The following RSU1 variants were observed in gnomAD, a reference collection of about 807,000 sequenced individuals.
RSU1 encodes the protein rsu-1.
A neutral mutation model predicts 31.1 loss-of-function variants in RSU1; 26 were observed. The ratio of observed to expected loss-of-function variants is 0.84; its 90% CI spans 0.61 to 1.16. The LOEUF (loss-of-function observed/expected upper bound fraction) is 1.16, where lower values mean the gene tolerates loss of function less well. Ranked by LOEUF, RSU1 falls within the 50% of genes most tolerant of loss-of-function variation. RSU1 has a pLI of 0.00. For missense variants in RSU1, 320 were observed against 339.1 expected (o/e 0.94, Z 0.44); for synonymous variants, 164 against 136.3 (o/e 1.20, Z -1.41).
chr10:16,636,827 A>G (rs971821393), intron 8 of RSU1, among the ~76,000 whole-genome samples: 2 of 152,098 alleles, frequency 1.3e-5, no homozygotes, highest in Admixed American at 1.3e-4. Flanking sequence ...TTGATCCGCT[A>G]TAACTGCGCA....
rs1491138176 is a variant in RSU1, at chr10:16,733,332, A to AT, written c.598+19206dup. 8.6e-3 allele frequency among the ~76,000 whole-genome samples: 807 copies of AT among 93,776 alleles called. 3 individuals carry two copies. Among genetic ancestry groups the AT allele is most frequent in the Non-Finnish European group, 0.014 (634 of 46,376 alleles). The allele number at this position is 93,776 out of a possible 152,430, so 61.5% of individuals were successfully genotyped here. A position where few individuals can be genotyped will look rare whatever the true frequency, so the allele number is the denominator to read the frequency against. On this transcript the variant is annotated intron_variant, in intron 7 of 8. Transcript: ENST00000345264. ...ATGGTGAAACCCCATCTCTACGACA[A>AT]TAAAAAAAAAAAAAAAAAAAAAAAA...
intron 4 of RSU1, among the ~76,000 whole-genome samples, chr10:16,756,234 A>T (rs1837083153): frequency 6.6e-6 from 1 of 152,174 alleles, no homozygotes; most frequent in Non-Finnish European, 1.5e-5. Context: ...TCAGGTTTGC[A>T]AGATGAGAAA....
intron 3 of RSU1, among the ~76,000 whole-genome samples, chr10:16,781,250 T>C (rs1462372074): frequency 6.6e-6 from 1 of 152,094 alleles, no homozygotes; most frequent in Non-Finnish European, 1.5e-5. Flanking sequence ...AAGCCACAGC[T>C]CTACGAAGAA....
At chr10:16,614,998 T>C (rs1833951621) in intron 8 of RSU1, among the ~76,000 whole-genome samples, 1 of 152,150 alleles carries the variant, frequency 6.6e-6, no homozygotes. Context: ...AATAACCAGC[T>C]AGCATCACGA....
At chr10:16,705,238 C>T (rs575000485) in intron 7 of RSU1, among the ~76,000 whole-genome samples, 47 of 152,234 alleles carry the variant, frequency 3.1e-4, no homozygotes, top group African/African-American at 1.1e-3. Context: ...ACTGTATATA[C>T]AGTCATCTCT....
At chr10:16,775,830 A>T (rs984256490) in intron 3 of RSU1, among the ~76,000 whole-genome samples, 4 of 152,214 alleles carry the variant, frequency 2.6e-5, no homozygotes, top group Non-Finnish European at 5.9e-5. Flanking sequence ...GATGGCAGAG[A>T]AGCAAACTGA....
chr10:16,684,707 T>A (rs544131282), intron 8 of RSU1, among the ~76,000 whole-genome samples: 1 of 152,264 alleles, frequency 6.6e-6, no homozygotes, highest in African/African-American at 2.4e-5. Flanking sequence ...TTTCTGCTTT[T>A]AAACCATGCC....
At chr10:16,704,175 T>C (rs1287889817) in intron 7 of RSU1, among the ~76,000 whole-genome samples, 1 of 152,238 alleles carries the variant, frequency 6.6e-6, no homozygotes, top group Non-Finnish European at 1.5e-5. Flanking sequence ...TCTGAATTTT[T>C]AGATACTATC....
chr10:16,774,240 A>G (rs1837483873), intron 3 of RSU1, among the ~76,000 whole-genome samples: 1 of 152,200 alleles, frequency 6.6e-6, no homozygotes, highest in Admixed American at 6.5e-5. Flanking sequence ...ATTTTTTAAA[A>G]AGTCATCAAG....
At chr10:16,660,637 T>C (rs2131526257) in intron 8 of RSU1, among the ~76,000 whole-genome samples, 1 of 131,726 alleles carries the variant, frequency 7.6e-6, no homozygotes, top group African/African-American at 2.9e-5. Flanking sequence ...CATTTATTCT[T>C]GAACTCTCTT....
chr10:16,605,791 C>A (rs1024601794), intron 8 of RSU1, among the ~76,000 whole-genome samples: 19 of 152,182 alleles, frequency 1.2e-4, no homozygotes, highest in Admixed American at 7.2e-4. Flanking sequence ...CCTCAGTTGG[C>A]TGCAGGGTTT....
intron 8 of RSU1, among the ~76,000 whole-genome samples, chr10:16,670,732 T>G (rs1366621985): frequency 6.6e-6 from 1 of 152,144 alleles, no homozygotes; most frequent in Non-Finnish European, 1.5e-5. Context: ...GGTGTTCCCT[T>G]GGTCAGTACT....
rs199904406 is a variant in RSU1, at chr10:16,695,155, C to G, written c.599G>C (p.Gly200Ala). 615 of 1,454,396 alleles carry G rather than the reference C, an allele frequency of 4.2e-4. 1 individual carries two copies. The highest frequency in any genetic ancestry group is 5.0e-4 in the Non-Finnish European group (552 of 1,096,510). The allele number at this position is 1,454,396 out of a possible 1,614,324, so 90.1% of individuals were successfully genotyped here. A position where few individuals can be genotyped will look rare whatever the true frequency, so the allele number is the denominator to read the frequency against. The change falls in exon 8 of 9, where the codon GGA becomes GCA. Residue 200 changes from glycine to alanine, a missense_variant and splice_region_variant. Coordinates refer to ENST00000345264, the MANE Select transcript of RSU1 (RefSeq NM_012425.4). ...CTTCTGGCCAGTTAAATCCAAGTTT[C>G]CTGGGGGGGGGGAAAAAAAAAGTGA... The part of the protein sequence containing the change: ...NRLTVLPPEL[G>A]NLDLTGQKQV...
At chr10:16,776,014 C>CA (rs1283726047) in intron 3 of RSU1, among the ~76,000 whole-genome samples, 1 of 152,158 alleles carries the variant, frequency 6.6e-6, no homozygotes, top group Non-Finnish European at 1.5e-5. Flanking sequence ...TAATTTCATA[C>CA]AAGCCATGCA....
chr10:16,697,660 T>TA (rs1835705774), intron 7 of RSU1, among the ~76,000 whole-genome samples: 1 of 145,550 alleles, frequency 6.9e-6, no homozygotes, highest in African/African-American at 2.6e-5. Context: ...CAAGACTGTC[T>TA]TAAAAAAAAA....
intron 8 of RSU1, among the ~76,000 whole-genome samples, chr10:16,667,851 A>T (rs921597116): frequency 6.6e-6 from 1 of 152,208 alleles, no homozygotes; most frequent in African/African-American, 2.4e-5. Context: ...GCCAGATATC[A>T]GGTACTTAGG....
chr10:16,718,810 G>A (rs757776635), intron 7 of RSU1, among the ~76,000 whole-genome samples: 4 of 151,800 alleles, frequency 2.6e-5, no homozygotes, highest in Non-Finnish European at 5.9e-5. Context: ...GTGAAACCCC[G>A]TCTCTACTAA....
At chr10:16,670,005 G>T (rs1458674421) in intron 8 of RSU1, among the ~76,000 whole-genome samples, 1 of 152,158 alleles carries the variant, frequency 6.6e-6, no homozygotes, top group Non-Finnish European at 1.5e-5. Flanking sequence ...AGAAACTGTA[G>T]TCTCTCACAA....
chr10:16,660,149 T>A (rs1218954050), intron 8 of RSU1, among the ~76,000 whole-genome samples: 1 of 152,220 alleles, frequency 6.6e-6, no homozygotes, highest in Non-Finnish European at 1.5e-5. Context: ...ATACTAAAGA[T>A]AATGTCTCCC....
Sources: gnomAD v4.1 joint callset for allele counts (sites outside exome capture counted in the v4.1 genomes callset) on GRCh38, gnomAD v4.1.1 for gene constraint, MANE v1.5 for transcripts, NCBI Gene and HGNC (gene_info 2026-07-23, HGNC 2026-07-21) for gene names.